RELN: variants seen among roughly 807,000 people sequenced by gnomAD.
The protein encoded by RELN is reelin.
RELN carries 108 observed loss-of-function variants against 427.6 expected under a neutral mutation model. The observed-to-expected ratio is 0.25, with a 90% CI of 0.22 to 0.30. The LOEUF (loss-of-function observed/expected upper bound fraction) is 0.30, where lower values mean the gene tolerates loss of function less well. Among genes scored for constraint, RELN ranks in the 10% least tolerant of loss-of-function variants. The pLI is 1.00. For synonymous variants in RELN, 1,524 were observed against 1,513.4 expected (o/e 1.01, Z -0.16); for missense variants, 3,715 against 4,302.8 (o/e 0.86, Z 3.82).
intron 2 of RELN, among the ~76,000 whole-genome samples, chr7:103,915,965 C>G (rs988011515): frequency 2.6e-5 from 4 of 152,122 alleles, no homozygotes; most frequent in Admixed American, 2.0e-4. Flanking sequence ...CATTTTTCCC[C>G]TGAGGTTTGG....
intron 2 of RELN, among the ~76,000 whole-genome samples, chr7:103,875,343 C>A (rs71558653): frequency 0.14 from 20,627 of 149,862 alleles, 1,710 homozygotes; most frequent in East Asian, 0.33. Flanking sequence ...GCAACAAAAG[C>A]CAAAATTGAC....
At chr7:103,504,756 C>G (rs1272931320) in intron 51 of RELN, among the ~76,000 whole-genome samples, 1 of 152,166 alleles carries the variant, frequency 6.6e-6, no homozygotes, top group East Asian at 1.9e-4. Flanking sequence ...ACTGGCAGAC[C>G]AGGACATTCC....
rs541228900 is a variant in RELN at position 103,771,665 on chromosome 7, A to C, written c.544+4892T>G. Reference sequence around the variant, plus strand: ...GGCATCAATGTCCACCCAGTCACCCAGGCCAAAAGTGACGGAGTAGCCCCA... The same window carrying C: ...GGCATCAATGTCCACCCAGTCACCCCGGCCAAAAGTGACGGAGTAGCCCCA... On this transcript the variant is annotated intron_variant, in intron 4 of 64. Coordinates refer to ENST00000428762, the MANE Select transcript of RELN (RefSeq NM_005045.4). 9.2e-5 allele frequency among the ~76,000 whole-genome samples: 14 copies of C among 152,274 alleles called. No individual in the cohort carries two copies. The South Asian group carries it at 2.7e-3, about 29-fold the overall frequency.
chr7:103,694,503 T>TGGC (rs1313149025), intron 10 of RELN, among the ~76,000 whole-genome samples: 1 of 150,486 alleles, frequency 6.6e-6, no homozygotes, highest in African/African-American at 2.5e-5. Context: ...ATGATGATGA[T>TGGC]GGCGACGACG....
chr7:103,559,260 GT>G (rs1830589858), intron 36 of RELN, among the ~76,000 whole-genome samples: 1 of 152,124 alleles, frequency 6.6e-6, no homozygotes, highest in Non-Finnish European at 1.5e-5. Context: ...CCAGTGTTTT[GT>G]TTATTAAACT....
At chr7:103,551,395 ACTGTC>A (rs1830408043) in intron 40 of RELN, 99 bp from the exon 41 acceptor site, 2 of 831,336 alleles carry the variant, frequency 2.4e-6, no homozygotes, top group Non-Finnish European at 4.0e-6. Flanking sequence ...TTTCCTGGGA[ACTGTC>A]TTGCTGAAAT....
intron 2 of RELN, among the ~76,000 whole-genome samples, chr7:103,868,269 C>G (rs1303008850): frequency 6.6e-6 from 1 of 152,088 alleles, no homozygotes; most frequent in Admixed American, 6.6e-5. Flanking sequence ...GTTGAACCAT[C>G]TGATATACAA....
chr7:103,865,051 T>C (rs1794162867), intron 2 of RELN, among the ~76,000 whole-genome samples: 1 of 150,332 alleles, frequency 6.7e-6, no homozygotes, highest in Admixed American at 6.6e-5. Flanking sequence ...GAATTGTTTG[T>C]TGAACCTGGA....
At chr7:103,855,212 A>T (rs1360140138) in intron 2 of RELN, among the ~76,000 whole-genome samples, 3 of 152,228 alleles carry the variant, frequency 2.0e-5, no homozygotes, top group African/African-American at 7.2e-5. Flanking sequence ...CTTGAAGCGG[A>T]AAAGTGCTGT....
chr7:103,617,272 C>T (rs1832102671), intron 20 of RELN, among the ~76,000 whole-genome samples: 1 of 152,068 alleles, frequency 6.6e-6, no homozygotes, highest in Admixed American at 6.6e-5. Context: ...GATATATAGT[C>T]TGTCATATGT....
At chr7:103,473,091 A>G (rs1308284245) in intron 64 of RELN, 183 bp from the exon 65 acceptor site, 1 of 708,982 alleles carries the variant, frequency 1.4e-6, no homozygotes, top group Non-Finnish European at 2.6e-6. Flanking sequence ...GCTGGGACCT[A>G]TACTCACTGC....
chr7:103,797,664 T>G (rs2116297624), intron 3 of RELN, among the ~76,000 whole-genome samples: 1 of 152,328 alleles, frequency 6.6e-6, no homozygotes, highest in East Asian at 1.9e-4. Context: ...TACAAAAATT[T>G]CCAGGCAGTG....
intron 4 of RELN, among the ~76,000 whole-genome samples, chr7:103,768,173 C>G (rs553366641): frequency 6.6e-6 from 1 of 152,160 alleles, no homozygotes; most frequent in Admixed American, 6.5e-5. Flanking sequence ...AATTTCAGTT[C>G]TTTTTGTTTT....
intron 1 of RELN, among the ~76,000 whole-genome samples, chr7:103,987,725 A>G (rs911652821): frequency 1.4e-4 from 22 of 152,190 alleles, no homozygotes; most frequent in Admixed American, 8.5e-4. Context: ...ATCTCAGAAA[A>G]GCACTAGATT....
intron 28 of RELN, among the ~76,000 whole-genome samples, chr7:103,579,029 A>G (rs781430332): frequency 1.3e-4 from 20 of 152,240 alleles, no homozygotes; most frequent in Non-Finnish European, 2.5e-4. Flanking sequence ...TCTAGAAAGC[A>G]TCTACAGCAC....
Position 103,523,497 on chromosome 7 carries a change from C to G in RELN, c.7384G>C (p.Ala2462Pro), listed in dbSNP as rs1348293552. 1.2e-6 allele frequency: 2 copies of G among 1,613,888 alleles called. No individual in the cohort carries two copies. Among genetic ancestry groups the G allele is most frequent in the African/African-American group, 1.3e-5 (1 of 74,864 alleles). The change falls in exon 47 of 65, where the codon GCT becomes CCT. Residue 2462 changes from alanine (A) to proline (P), a missense_variant. Physicochemically the swap from Ala to Pro is conservative, Grantham distance 27. Transcript: ENST00000428762. ...QATRFRWHQP[A>P]PFDKQQTWAI... ...CATGTCTGCTGCTTGTCAAAAGGAG[C>G]TGGTTGATGCCAACGGAAACGAGTG...
chr7:103,747,701 A>T (rs1003733237), intron 6 of RELN, among the ~76,000 whole-genome samples: 3 of 150,838 alleles, frequency 2.0e-5, no homozygotes, highest in Non-Finnish European at 2.9e-5. Context: ...ACTGTGGGCA[A>T]TAAGGGATAA....
intron 2 of RELN, among the ~76,000 whole-genome samples, chr7:103,895,675 C>G (rs557508683): frequency 1.2e-4 from 19 of 152,092 alleles, no homozygotes; most frequent in South Asian, 1.0e-3. Context: ...TGTATCAACT[C>G]TAGTATCTAC....
At chr7:103,665,588 T>A (rs1032467180) in intron 11 of RELN, among the ~76,000 whole-genome samples, 2 of 152,166 alleles carry the variant, frequency 1.3e-5, no homozygotes, top group South Asian at 4.1e-4. Flanking sequence ...GATAAGAAGT[T>A]ATCTATTGAA....
Sources: allele counts gnomAD v4.1 joint callset (sites outside exome capture counted in the v4.1 genomes callset), GRCh38; gene constraint gnomAD v4.1.1; transcripts MANE v1.5; gene names NCBI Gene and HGNC (gene_info 2026-07-23, HGNC 2026-07-21).